MAP3K1: variants seen among roughly 807,000 people sequenced by gnomAD.
The protein encoded by MAP3K1 is mitogen-activated protein kinase kinase kinase 1.
MAP3K1 carries 36 observed loss-of-function variants against 144.2 expected under a neutral mutation model. The ratio of observed to expected loss-of-function variants is 0.25; its 90% CI spans 0.19 to 0.33. The LOEUF (loss-of-function observed/expected upper bound fraction) is 0.33, where lower values mean the gene tolerates loss of function less well. Ranked by LOEUF, MAP3K1 falls within the 10% of genes least tolerant of loss-of-function variation. The probability of loss-of-function intolerance (pLI) is 1.00; values close to 1 mark genes in which losing one functional copy is unlikely to be tolerated. For synonymous variants in MAP3K1, 718 were observed against 688.7 expected, an observed-to-expected ratio of 1.04 and a Z score of -0.67; for missense variants, 1,650 against 1,881.9, an observed-to-expected ratio of 0.88 and a Z score of 2.28.
At chr5:56,844,374 T>C (rs168786) in intron 1 of MAP3K1, among the ~76,000 whole-genome samples, 127,604 of 150,714 alleles carry the variant, frequency 0.85, 54,228 homozygotes, top group South Asian at 0.94. Context: ...AGAGACGGGG[T>C]TTCACCGTGT....
At position 56,885,979 on chromosome 5, in the gene MAP3K1, T is replaced by G; in HGVS notation, c.4030T>G (p.Ser1344Ala). ...LLSKYGAFKE[S>A]VVINYTEQLL... is the part of the protein sequence containing the mutation. Reference sequence around the variant, plus strand: ...GAGTAAATATGGAGCCTTCAAAGAATCAGTAGTTATTAACTACACTGAACA... The same window carrying G: ...GAGTAAATATGGAGCCTTCAAAGAAGCAGTAGTTATTAACTACACTGAACA... Residue 1344 changes from serine to alanine, a missense_variant, in exon 17 of 20, where the codon TCA becomes GCA. Around this residue, in one of 6 missense-constraint regions of MAP3K1, gnomAD observed 165 missense variants for 322.9 expected, o/e 0.51. Coordinates refer to ENST00000399503, the MANE Select transcript of MAP3K1 (RefSeq NM_005921.2). 1 of 1,611,720 alleles carries G rather than the reference T, an allele frequency of 6.2e-7. No homozygotes were observed. The highest frequency in any genetic ancestry group is 8.5e-7 in the Non-Finnish European group (1 of 1,177,814).
intron 3 of MAP3K1, among the ~76,000 whole-genome samples, chr5:56,860,858 A>G (rs1451689027): frequency 7.5e-6 from 1 of 132,632 alleles, no homozygotes; most frequent in African/African-American, 2.7e-5. Context: ...CATCTCAAAA[A>G]AAAAAGAAAA....
In MAP3K1 at chr5:56,865,370, A is replaced by T; in HGVS notation, c.1066A>T (p.Ile356Phe). The T allele has an allele frequency of 6.2e-7, 1 of 1,611,556 alleles. No homozygotes were observed. The highest frequency in any genetic ancestry group is 8.5e-7 in the Non-Finnish European group (1 of 1,177,746). The part of the protein sequence containing the change: ...NCSCARGTFC[I>F]HLLFVMLRVF... ...CAGCTGTGCACGTGGAACATTCTGT[A>T]TTCATCTGCTATTTGTGATGCTCCG... The change falls in exon 5 of 20, where the codon ATT (isoleucine) becomes TTT (phenylalanine). Residue 356 changes from isoleucine (I) to phenylalanine (F), a missense_variant. Transcript: ENST00000399503.
At chr5:56,884,972 C>T (rs1009721493) in intron 16 of MAP3K1, 146 bp downstream of exon 16, 5 of 668,432 alleles carry the variant, frequency 7.5e-6, no homozygotes, top group Middle Eastern at 8.1e-4. Flanking sequence ...GTATGAACCA[C>T]AAATACTTCG....
chr5:56,879,194 T>C (rs1200902578), intron 11 of MAP3K1, 93 bp downstream of exon 11: 1 of 1,403,842 alleles, frequency 7.1e-7, no homozygotes, highest in African/African-American at 1.4e-5. Context: ...TGATACATTT[T>C]ATTAAATGAG....
At chr5:56,869,194 C>T (rs1012433792) in intron 6 of MAP3K1, among the ~76,000 whole-genome samples, 1 of 152,040 alleles carries the variant, frequency 6.6e-6, no homozygotes, top group Non-Finnish European at 1.5e-5. Context: ...TCTCTTGAGC[C>T]CAGAAGTTCA....
chr5:56,839,134 T>A (rs1437469908), intron 1 of MAP3K1, among the ~76,000 whole-genome samples: 2 of 152,232 alleles, frequency 1.3e-5, no homozygotes. Context: ...GAGTAATCCA[T>A]ATGGTGCTCT....
intron 18 of MAP3K1, chr5:56,887,830 C>T: frequency 4.5e-6 from 2 of 440,132 alleles, no homozygotes; most frequent in South Asian, 2.2e-5. Context: ...AAAATATTCT[C>T]TCTCTATTCT....
At chr5:56,860,996 T>C (rs1747491656) in intron 3 of MAP3K1, among the ~76,000 whole-genome samples, 1 of 151,804 alleles carries the variant, frequency 6.6e-6, no homozygotes, top group South Asian at 2.1e-4. Flanking sequence ...TAGACTTTTC[T>C]GATAAGATTG....
At chr5:56,828,702 G>A (rs1305161288) in intron 1 of MAP3K1, among the ~76,000 whole-genome samples, 1 of 152,092 alleles carries the variant, frequency 6.6e-6, no homozygotes, top group South Asian at 2.1e-4. Context: ...ACCTTAGGGG[G>A]CAGTTTTTAA....
intron 1 of MAP3K1, among the ~76,000 whole-genome samples, chr5:56,849,111 C>A (rs1747086484): frequency 1.3e-5 from 2 of 152,128 alleles, no homozygotes; most frequent in African/African-American, 4.8e-5. Flanking sequence ...CTTTGGGAGG[C>A]CAGGGCGGGC....
In MAP3K1 at chr5:56,887,239, G is replaced by T. The variant is rs1483246467; in HGVS notation, c.4115-139G>T. 5.1e-6 allele frequency: 4 copies of T among 784,214 alleles called. No individual in the cohort carries two copies. In the African/African-American group the frequency reaches 5.1e-5, roughly 10 times the overall value. 48.6% of individuals were successfully genotyped at this position (784,214 alleles called of 1,614,324 possible). On this transcript the variant is annotated intron_variant, in intron 17 of 19. Transcript: ENST00000399503. ...GCAAGAATGAAGTGAAAGGAAAAGAGAATAACTGTTTGCACCTCTGACATG... is the reference window on the plus strand; with the variant it reads ...GCAAGAATGAAGTGAAAGGAAAAGATAATAACTGTTTGCACCTCTGACATG...
chr5:56,833,047 T>G (rs537081647), intron 1 of MAP3K1, among the ~76,000 whole-genome samples: 96 of 152,218 alleles, frequency 6.3e-4, no homozygotes, highest in African/African-American at 2.2e-3. Context: ...AATTTTTGTG[T>G]TTTTAGTAGA....
intron 9 of MAP3K1, among the ~76,000 whole-genome samples, chr5:56,874,463 C>A (rs1168241342): frequency 6.6e-6 from 1 of 152,088 alleles, no homozygotes; most frequent in Non-Finnish European, 1.5e-5. Context: ...TTTGATTTGT[C>A]CACTCCATTC....
intron 1 of MAP3K1, among the ~76,000 whole-genome samples, chr5:56,841,239 T>C (rs929779246): frequency 1.3e-5 from 2 of 152,142 alleles, no homozygotes; most frequent in African/African-American, 2.4e-5. Context: ...ATATTTTTCA[T>C]GTAAAACGAT....
chr5:56,871,791 A>T, intron 6 of MAP3K1, 119 bp from the exon 7 acceptor site: 1 of 842,806 alleles, frequency 1.2e-6, no homozygotes, highest in South Asian at 1.5e-5. Context: ...TAGTTATATA[A>T]GATGCTCTTA....
At chr5:56,886,099 A>G (rs756823881) in intron 17 of MAP3K1, 36 bp downstream of exon 17, 14 of 1,580,290 alleles carry the variant, frequency 8.9e-6, no homozygotes, top group Admixed American at 1.7e-5. Flanking sequence ...AGTGACAATA[A>G]AAAAATTAAT....
rs1240550874 is a variant in MAP3K1, at chr5:56,872,137, T to TA, written c.1423+113dup. 13 of 1,440,466 alleles carry TA rather than the reference T, an allele frequency of 9.0e-6. No homozygotes were observed. The East Asian group carries it at 2.1e-4, about 23-fold the overall frequency. 89.2% of individuals were successfully genotyped at this position (1,440,466 alleles called of 1,614,324 possible). ...GCTTGAGGGGAAATTGGTGAGAGAA[T>TA]AAAAAAAGTATATCTAAGTCCTAAG... On this transcript the variant is annotated intron_variant, in intron 7 of 19. Transcript: ENST00000399503.
chr5:56,877,099 C>G (rs1748055616), intron 10 of MAP3K1, among the ~76,000 whole-genome samples: 1 of 152,176 alleles, frequency 6.6e-6, no homozygotes, highest in Non-Finnish European at 1.5e-5. Flanking sequence ...TGCATTGTTT[C>G]CCAGAGTTAT....
Sources: allele counts gnomAD v4.1 joint callset (sites outside exome capture counted in the v4.1 genomes callset), GRCh38; gene constraint gnomAD v4.1.1; regional missense constraint gnomAD v4.1.1; transcripts MANE v1.5; gene names NCBI Gene and HGNC (gene_info 2026-07-23, HGNC 2026-07-21).